ROBO2: variants seen among roughly 807,000 people sequenced by gnomAD.
ROBO2 encodes the protein roundabout guidance receptor 2, also known as roundabout homolog 2.
In ROBO2, 53 loss-of-function variants were observed where a neutral mutation model predicts 160.8. The ratio of observed to expected loss-of-function variants is 0.33; its 90% CI spans 0.26 to 0.41. ROBO2 has a LOEUF of 0.41. ROBO2 is among the 10% of genes least tolerant of loss of function. ROBO2 has a pLI of 1.00. For missense variants in ROBO2, 1,577 were observed against 1,722.4 expected (o/e 0.92, Z 1.49); for synonymous variants, 664 against 611.7 (o/e 1.09, Z -1.26).
chr3:76,843,569 T>G (rs575926628), intron 2 of ROBO2, among the ~76,000 whole-genome samples: 6 of 152,122 alleles, frequency 3.9e-5, no homozygotes, highest in African/African-American at 1.4e-4. Context: ...TTATTTAGAT[T>G]TGCATGATTT....
intron 2 of ROBO2, among the ~76,000 whole-genome samples, chr3:76,424,202 A>G (rs72900508): frequency 0.026 from 3,911 of 152,300 alleles, 160 homozygotes; most frequent in African/African-American, 0.089. Flanking sequence ...ATGTAAAAAT[A>G]TTATTCAATA....
chr3:76,223,576 G>T (rs944984281), intron 2 of ROBO2, among the ~76,000 whole-genome samples: 5 of 152,122 alleles, frequency 3.3e-5, no homozygotes, highest in Admixed American at 3.3e-4. Context: ...ATAGGTTTCA[G>T]TTTTTCCCCA....
At chr3:76,494,506 CTGTT>C (rs139959557) in intron 2 of ROBO2, among the ~76,000 whole-genome samples, 66 of 152,248 alleles carry the variant, frequency 4.3e-4, no homozygotes, top group African/African-American at 1.5e-3. Context: ...TTAACAAGGT[CTGTT>C]TGTACAGAAT....
intron 2 of ROBO2, among the ~76,000 whole-genome samples, chr3:76,439,063 T>A (rs936143472): frequency 7.9e-5 from 12 of 152,166 alleles, no homozygotes; most frequent in African/African-American, 2.7e-4. Context: ...AATGTGTTTT[T>A]CTAGAGAATA....
intron 2 of ROBO2, among the ~76,000 whole-genome samples, chr3:76,138,702 C>T (rs1161635764): frequency 6.6e-6 from 1 of 151,978 alleles, no homozygotes; most frequent in Non-Finnish European, 1.5e-5. Flanking sequence ...CCACAGAATC[C>T]AATTATTTGT....
At chr3:77,531,715 A>T (rs1318354588) in intron 6 of ROBO2, among the ~76,000 whole-genome samples, 1 of 152,170 alleles carries the variant, frequency 6.6e-6, no homozygotes, top group East Asian at 1.9e-4. Context: ...GTTTTTTAAA[A>T]TAAGAAAACT....
At chr3:77,448,765 CT>C (rs998256822) in intron 2 of ROBO2, among the ~76,000 whole-genome samples, 2 of 99,106 alleles carry the variant, frequency 2.0e-5, no homozygotes, top group African/African-American at 5.4e-5. Flanking sequence ...GAACTTTTGC[CT>C]GTAAGAGTCA....
chr3:76,813,670 A>G (rs2065398010), intron 2 of ROBO2, among the ~76,000 whole-genome samples: 1 of 152,168 alleles, frequency 6.6e-6, no homozygotes, highest in Admixed American at 6.6e-5. Context: ...ATAGCGCAGC[A>G]TCTATCTCTA....
At chr3:76,190,639 T>C (rs1701965576) in intron 2 of ROBO2, among the ~76,000 whole-genome samples, 2 of 152,108 alleles carry the variant, frequency 1.3e-5, no homozygotes, top group South Asian at 4.1e-4. Context: ...ATTTAGCCTA[T>C]ATTTACACCT....
At chr3:76,305,056 CAG>C (rs930514493) in intron 2 of ROBO2, among the ~76,000 whole-genome samples, 20 of 151,946 alleles carry the variant, frequency 1.3e-4, no homozygotes, top group African/African-American at 4.8e-4. Context: ...GCTGTTGTTG[CAG>C]AGTGTGTTGG....
intron 1 of ROBO2, among the ~76,000 whole-genome samples, chr3:77,081,139 T>A (rs1183036511): frequency 6.6e-6 from 1 of 152,210 alleles, no homozygotes; most frequent in Non-Finnish European, 1.5e-5. Flanking sequence ...CTATCAAGTA[T>A]TTTGATATCC....
intron 2 of ROBO2, among the ~76,000 whole-genome samples, chr3:76,558,988 C>G (rs555221941): frequency 1.3e-5 from 2 of 152,088 alleles, no homozygotes; most frequent in Admixed American, 6.6e-5. Flanking sequence ...AAACCTAGGT[C>G]TCTATTTTTA....
rs573823687 is a variant in ROBO2 at position 77,483,112 on chromosome 3, TC to T, written c.667+1897del. 1.9e-3 allele frequency among the ~76,000 whole-genome samples: 291 copies of T among 152,234 alleles called. 1 individual carries two copies. Among genetic ancestry groups the T allele is most frequent in the African/African-American group, 6.8e-3 (284 of 41,570 alleles). ...TAGATTGAATTTGTCTAGAGGCAGT[TC>T]CCCTGGCAGAATTGATTTAGGAAAC... On this transcript the variant is annotated intron_variant, in intron 4 of 25. Coordinates refer to ENST00000461745, the Ensembl canonical transcript of ROBO2.
intron 2 of ROBO2, among the ~76,000 whole-genome samples, chr3:77,244,523 G>T (rs1348442674): frequency 6.6e-6 from 1 of 152,098 alleles, no homozygotes; most frequent in East Asian, 1.9e-4. Flanking sequence ...TAAAGTGAGA[G>T]ATCCTTCATA....
chr3:76,687,428 G>A (rs1183194275), intron 2 of ROBO2, among the ~76,000 whole-genome samples: 1 of 151,956 alleles, frequency 6.6e-6, no homozygotes, highest in Non-Finnish European at 1.5e-5. Flanking sequence ...TCATTTGGCA[G>A]CTCCAGCATT....
intron 12 of ROBO2, among the ~76,000 whole-genome samples, chr3:77,566,307 C>T (rs2093478496): frequency 6.6e-6 from 1 of 151,584 alleles, no homozygotes; most frequent in South Asian, 2.1e-4. Context: ...TTTTCCATGG[C>T]GATAAAGGGC....
At chr3:76,322,163 C>CATATATATATAT (rs1559761091) in intron 2 of ROBO2, among the ~76,000 whole-genome samples, 23 of 40,164 alleles carry the variant, frequency 5.7e-4, no homozygotes, top group Admixed American at 1.7e-3. Flanking sequence ...CTACTTCTTC[C>CATATATATATAT]GTATATATAT....
At chr3:75,961,785 GA>G in intron 2 of ROBO2, among the ~76,000 whole-genome samples, 1 of 151,558 alleles carries the variant, frequency 6.6e-6, no homozygotes, top group Non-Finnish European at 1.5e-5. Flanking sequence ...GAGAAAGATA[GA>G]AAATTTTTTT....
chr3:76,017,847 C>T (rs1257264379), intron 2 of ROBO2, among the ~76,000 whole-genome samples: 1 of 152,010 alleles, frequency 6.6e-6, no homozygotes, highest in African/African-American at 2.4e-5. Flanking sequence ...TTGAATAAAA[C>T]ATAAAGCCCT....
Sources: allele counts gnomAD v4.1 joint callset (sites outside exome capture counted in the v4.1 genomes callset), GRCh38; gene constraint gnomAD v4.1.1; transcripts MANE v1.5; gene names NCBI Gene and HGNC (gene_info 2026-07-23, HGNC 2026-07-21).